The following DNAJB4 variants were observed in gnomAD, a reference collection of about 807,000 sequenced individuals.
DNAJB4 encodes the protein DnaJ heat shock protein family (Hsp40) member B4, also known as dnaJ homolog subfamily B member 4.
Under a neutral mutation model 26.6 loss-of-function variants are expected in DNAJB4, and 10 were observed. That is an observed-to-expected ratio of 0.38 (90% CI 0.23 to 0.64). The LOEUF is 0.64. DNAJB4 is among the 30% of genes least tolerant of loss of function. The pLI, the probability that DNAJB4 is intolerant of heterozygous loss-of-function variation, is 0.58. For synonymous variants in DNAJB4, 136 were observed against 134.8 expected, an observed-to-expected ratio of 1.01 and a Z score of -0.06; for missense variants, 328 against 408.2, an observed-to-expected ratio of 0.80 and a Z score of 1.69.
At position 78,016,044 on chromosome 1, in the gene DNAJB4, A is replaced by AC; in HGVS notation, c.812dup (p.Leu272ThrfsTer12). 6.2e-7 allele frequency: 1 copy of AC among 1,614,092 alleles called. No individual in the cohort carries two copies. Among genetic ancestry groups the AC allele is most frequent in the Non-Finnish European group, 8.5e-7 (1 of 1,180,022 alleles). ...GTGTGGCTGCTCAATTAATGTACCA[A>AC]CACTGGATGGAAGAAACATACCTAT... is the stretch of plus-strand genomic sequence containing the variant. On this transcript the variant is annotated frameshift_variant, in exon 3 of 3. Transcript: ENST00000370763. LOFTEE classifies it high-confidence loss of function.
At chr1:78,013,026 T>A (rs1660532773) in intron 1 of DNAJB4, 25 bp from the exon 2 acceptor site, 1 of 1,524,450 alleles carries the variant, frequency 6.6e-7, no homozygotes, top group Non-Finnish European at 8.8e-7. Flanking sequence ...AGCTTTTTTC[T>A]AATCATGCTT....
At chr1:78,000,431 A>G (rs552354344), upstream of DNAJB4, among the ~76,000 whole-genome samples, 5 of 152,286 alleles carry the variant, frequency 3.3e-5, no homozygotes, top group Admixed American at 6.5e-5. Flanking sequence ...TTTAAGTCCA[A>G]GGTCTTACAG....
chr1:77,998,642 C>G (rs901097947), intron 1 of DNAJB4, among the ~76,000 whole-genome samples: 3 of 152,086 alleles, frequency 2.0e-5, no homozygotes, highest in African/African-American at 7.2e-5. Flanking sequence ...GAGTTCTAGA[C>G]CAGCCTGGGC....
intron 1 of DNAJB4, among the ~76,000 whole-genome samples, chr1:78,012,531 C>T (rs1297274445): frequency 1.3e-5 from 2 of 151,836 alleles, no homozygotes; most frequent in African/African-American, 4.8e-5. Flanking sequence ...CTGATTTGGC[C>T]GGAAGCAGTG....
At chr1:78,005,368 T>TC in intron 1 of DNAJB4, 47 bp downstream of exon 1, 6 of 1,369,384 alleles carry the variant, frequency 4.4e-6, no homozygotes, top group Non-Finnish European at 5.7e-6. Flanking sequence ...TCTGTCTCTT[T>TC]TTTTTTTTTC....
upstream of DNAJB4, among the ~76,000 whole-genome samples, chr1:77,979,884 T>TG (rs547631998): frequency 1.9e-3 from 293 of 152,124 alleles, no homozygotes; most frequent in Non-Finnish European, 2.7e-3. Flanking sequence ...AAGGGTTTTT[T>TG]TTTGTTTGTT....
chr1:77,993,744 T>C (rs1162822455), intron 1 of DNAJB4, among the ~76,000 whole-genome samples: 2 of 152,198 alleles, frequency 1.3e-5, no homozygotes, highest in Non-Finnish European at 2.9e-5. Context: ...TTGACCTAGA[T>C]AACAAAAAGT....
At chr1:77,999,691 GTGC>G (rs1481723933) in intron 1 of DNAJB4, among the ~76,000 whole-genome samples, 2 of 152,138 alleles carry the variant, frequency 1.3e-5, no homozygotes, top group Non-Finnish European at 2.9e-5. Flanking sequence ...ATAAATTGTA[GTGC>G]TGACACATGT....
At chr1:77,991,696 C>T (rs777025228) in intron 1 of DNAJB4, among the ~76,000 whole-genome samples, 1 of 152,160 alleles carries the variant, frequency 6.6e-6, no homozygotes, top group Non-Finnish European at 1.5e-5. Flanking sequence ...CCATTTAGTG[C>T]CACATTTTTG....
At chr1:77,979,236 T>C (rs1224243312), upstream of DNAJB4, 1 of 507,540 alleles carries the variant, frequency 2.0e-6, no homozygotes, top group Non-Finnish European at 3.5e-6. Flanking sequence ...GAGGATTAAG[T>C]TTAAGACTTC....
chr1:78,012,163 T>TC lies in DNAJB4; in HGVS notation c.212-888_212-887insC, dbSNP rs1553135965. Among the ~76,000 whole-genome samples, 9 of 129,128 alleles carry TC rather than the reference T, an allele frequency of 7.0e-5. 1 individual carries two copies. In the East Asian group the frequency reaches 1.7e-3, roughly 25 times the overall value. 84.7% of individuals were successfully genotyped at this position (129,128 alleles called of 152,430 possible). On this transcript the variant is annotated intron_variant, in intron 1 of 2. Coordinates refer to ENST00000370763, the MANE Select transcript of DNAJB4 (RefSeq NM_007034.5). ...ATTTTCTTTTTCTTTTCTTTTCTTT[T>TC]TTTTTTTTTTTTTTTTTGAGACAGA...
At chr1:77,982,233 C>T (rs1486364860) in intron 1 of DNAJB4, among the ~76,000 whole-genome samples, 1 of 152,180 alleles carries the variant, frequency 6.6e-6, no homozygotes, top group African/African-American at 2.4e-5. Flanking sequence ...AAACAGCTAC[C>T]TACAAAACTT....
At chr1:77,999,385 TGTAAA>T (rs1361851407) in intron 1 of DNAJB4, among the ~76,000 whole-genome samples, 7 of 151,980 alleles carry the variant, frequency 4.6e-5, no homozygotes, top group African/African-American at 1.4e-4. Context: ...TTTTATAAAC[TGTAAA>T]GTATTATATA....
chr1:78,014,226 G>T (rs374767088), intron 2 of DNAJB4, among the ~76,000 whole-genome samples: 1 of 151,490 alleles, frequency 6.6e-6, no homozygotes, highest in South Asian at 2.1e-4. Context: ...TCTTGCCTCG[G>T]CCTCCTAAGT....
chr1:77,980,961 G>A (rs924169529), intron 1 of DNAJB4, among the ~76,000 whole-genome samples: 2 of 152,136 alleles, frequency 1.3e-5, no homozygotes, highest in Admixed American at 1.3e-4. Flanking sequence ...AAGCAGTGTT[G>A]GGTGTGCGGC....
chr1:78,008,339 C>T (rs1660383463), intron 1 of DNAJB4, among the ~76,000 whole-genome samples: 2 of 152,166 alleles, frequency 1.3e-5, no homozygotes, highest in African/African-American at 4.8e-5. Context: ...TGGAAACAAT[C>T]TGAAAGCACC....
At chr1:78,011,001 T>C (rs1283337694) in intron 1 of DNAJB4, among the ~76,000 whole-genome samples, 1 of 152,228 alleles carries the variant, frequency 6.6e-6, no homozygotes, top group East Asian at 1.9e-4. Flanking sequence ...TGTTTGGAGA[T>C]ATTAGAATCT....
chr1:78,011,919 T>C (rs1273940204), intron 1 of DNAJB4, among the ~76,000 whole-genome samples: 5 of 149,100 alleles, frequency 3.4e-5, no homozygotes, highest in Middle Eastern at 3.3e-3. Context: ...GTATTTTATA[T>C]TTTGCTATAT....
At chr1:78,003,241 G>A (rs1014901023), upstream of DNAJB4, among the ~76,000 whole-genome samples, 1 of 151,968 alleles carries the variant, frequency 6.6e-6, no homozygotes, top group African/African-American at 2.4e-5. Context: ...GAGTCTTAAG[G>A]TGACTGGATA....
Sources: gnomAD v4.1 joint callset for allele counts (sites outside exome capture counted in the v4.1 genomes callset) on GRCh38, gnomAD v4.1.1 for gene constraint, MANE v1.5 for transcripts, NCBI Gene and HGNC (gene_info 2026-07-23, HGNC 2026-07-21) for gene names.